Variants in APPL2 observed in about 807,000 individuals in gnomAD.
The protein encoded by APPL2 is adaptor protein, phosphotyrosine interacting with PH domain and leucine zipper 2.
A neutral mutation model predicts 92.7 loss-of-function variants in APPL2; 84 were observed. That is an observed-to-expected ratio of 0.91 (90% CI 0.76 to 1.09). APPL2 has a LOEUF of 1.09. Ranked by LOEUF, APPL2 falls within the 50% of genes least tolerant of loss-of-function variation. APPL2 has a pLI of 0.00. For missense variants in APPL2, 736 were observed against 824.5 expected (o/e 0.89, Z 1.31); for synonymous variants, 291 against 291.0 (o/e 1.00, Z 0.00).
At chr12:105,180,834 G>A (rs1023334910) in intron 17 of APPL2, among the ~76,000 whole-genome samples, 5 of 152,158 alleles carry the variant, frequency 3.3e-5, no homozygotes, top group Non-Finnish European at 7.4e-5. Flanking sequence ...CTTTGCTGAC[G>A]TTGCTTATCA....
chr12:105,220,577 T>C (rs1890023466), intron 2 of APPL2, among the ~76,000 whole-genome samples: 1 of 152,186 alleles, frequency 6.6e-6, no homozygotes, highest in South Asian at 2.1e-4. Context: ...TAGTCAACTC[T>C]AATATGTTAC....
At chr12:105,181,498 T>C (rs566016633) in intron 17 of APPL2, among the ~76,000 whole-genome samples, 1 of 152,322 alleles carries the variant, frequency 6.6e-6, no homozygotes, top group East Asian at 1.9e-4. Context: ...GAGGAGTCCC[T>C]CTTTTTCTAT....
Position 105,190,066 on chromosome 12 carries a change from A to C in APPL2, c.1331T>G (p.Ile444Ser), listed in dbSNP as rs1887068727. 3 of 1,614,222 alleles carry C rather than the reference A, an allele frequency of 1.9e-6. No individual in the cohort carries two copies. Among genetic ancestry groups the C allele is most frequent in the Non-Finnish European group, 2.5e-6 (3 of 1,180,040 alleles). ...GAATTGAATCGGCGTTCCAGGCGCG[A>C]TCAGCTCCTCTGCTTCAGGTAGACT... ...TASLPEAEEL[I>S]APGTPIQFDI... Residue 444 changes from isoleucine (I) to serine (S), a missense_variant, in exon 15 of 21, where the codon ATC (isoleucine) becomes AGC (serine). Physicochemically the swap from Ile to Ser is moderately radical, Grantham distance 142. Coordinates refer to ENST00000258530, the MANE Select transcript of APPL2 (RefSeq NM_018171.5).
chr12:105,191,777 C>T (rs183024577), intron 14 of APPL2, among the ~76,000 whole-genome samples: 1,576 of 152,260 alleles, frequency 0.01, 6 homozygotes, highest in Non-Finnish European at 0.015. Context: ...CTCTCGGTTT[C>T]GGCTGGTGCC....
chr12:105,197,818 C>T lies in APPL2; in HGVS notation c.999G>A (p.Val333=), dbSNP rs766055206. The T allele has an allele frequency of 6.2e-7, 1 of 1,614,152 alleles. No individual in the cohort carries two copies. The highest frequency in any genetic ancestry group is 8.5e-7 in the Non-Finnish European group (1 of 1,180,026). ...QDLDNCSVMA[V]DCEDRRYCFQ... The stretch of plus-strand genomic sequence containing the variant: ...AGCAGTAGCGCCGGTCTTCGCAATC[C>T]ACGGCCATCACTGAGCAGTTGTCCA... Residue 333 remains valine (V), a synonymous_variant, in exon 11 of 21, where the codon GTG becomes GTA. Transcript: ENST00000258530.
chr12:105,195,468 T>C lies in APPL2; in HGVS notation c.1129A>G (p.Ile377Val), dbSNP rs756662669. 2.5e-5 allele frequency: 41 copies of C among 1,614,174 alleles called. No homozygotes were observed. Among genetic ancestry groups the C allele is most frequent in the Admixed American group, 3.3e-5 (2 of 60,020 alleles). ...ACCTCAGGGTTGTCGGTCAGGTAGATCTGTCTGGAGATGTTGTTTATTGCA... is the reference window on the plus strand; with the variant it reads ...ACCTCAGGGTTGTCGGTCAGGTAGACCTGTCTGGAGATGTTGTTTATTGCA... Reference protein sequence around the residue: ...ICAINNISRQIYLTDNPEAVA... With the variant: ...ICAINNISRQVYLTDNPEAVA... Residue 377 changes from isoleucine (I) to valine (V), a missense_variant, in exon 13 of 21, where the codon ATC becomes GTC. Coordinates refer to ENST00000258530, the MANE Select transcript of APPL2 (RefSeq NM_018171.5).
chr12:105,190,252 AG>A, intron 14 of APPL2, 97 bp from the exon 15 acceptor site: 2 of 1,321,126 alleles, frequency 1.5e-6, no homozygotes, highest in Non-Finnish European at 1.0e-6. Flanking sequence ...TGAAAATACA[AG>A]GGGAAAGATT....
At chr12:105,203,547 C>T in intron 9 of APPL2, 156 bp downstream of exon 9, 1 of 651,910 alleles carries the variant, frequency 1.5e-6, no homozygotes, top group Non-Finnish European at 2.7e-6. Flanking sequence ...TGAATATTGG[C>T]AGCTAAGGCA....
chr12:105,229,114 T>A lies in APPL2; in HGVS notation c.153+11A>T, dbSNP rs557671105. The A allele has an allele frequency of 6.2e-7, 1 of 1,605,940 alleles. No homozygotes were observed. Among genetic ancestry groups the A allele is most frequent in the South Asian group, 1.1e-5 (1 of 90,274 alleles). ...CACTCTGCGGTATCCAGGTGAGGGG[T>A]GGCAGCATACCTGGGCTCCATAGAC... is the stretch of plus-strand genomic sequence containing the variant. On this transcript the variant is annotated intron_variant, in intron 2 of 20. Transcript: ENST00000258530.
chr12:105,225,193 C>G (rs1169825103), intron 2 of APPL2, among the ~76,000 whole-genome samples: 3 of 151,092 alleles, frequency 2.0e-5, no homozygotes, highest in African/African-American at 7.3e-5. Flanking sequence ...AAATCTCATA[C>G]AAACTGAAGG....
chr12:105,176,524 TTTTCTCTC>T, intron 19 of APPL2: 1 of 416,960 alleles, frequency 2.4e-6, no homozygotes, highest in Non-Finnish European at 4.2e-6. Context: ...TCTTCCTTGG[TTTTCTCTC>T]TGAGACTAAA....
chr12:105,231,207 T>A (rs959497001), intron 1 of APPL2, among the ~76,000 whole-genome samples: 1 of 152,218 alleles, frequency 6.6e-6, no homozygotes, highest in Non-Finnish European at 1.5e-5. Flanking sequence ...GCTAGTTTTT[T>A]CAAAAATACT....
In APPL2 at chr12:105,176,946, C is replaced by T. The variant is rs756017295; in HGVS notation, c.1742G>A (p.Arg581His). The T allele has an allele frequency of 1.1e-5, 18 of 1,613,924 alleles. No individual in the cohort carries two copies. Among genetic ancestry groups the T allele is most frequent in the Admixed American group, 1.7e-5 (1 of 59,994 alleles). Residue 581 changes from arginine (R) to histidine (H), a missense_variant, in exon 19 of 21, where the codon CGT becomes CAT. Arg to His is a conservative substitution (Grantham distance 29). Coordinates refer to ENST00000258530, the MANE Select transcript of APPL2 (RefSeq NM_018171.5). ...ENKRLVGFVI[R>H]VPESTGEESL... ...TTCTTCTCCAGTGGATTCAGGAACA[C>T]GGATGACAAAACCAACCAGTCTCTT...
Position 105,199,542 on chromosome 12 carries a change from A to T in APPL2, c.705-11T>A. The stretch of plus-strand genomic sequence containing the variant: ...AGTTCTACCTGAATGCTTAAGACAG[A>T]AGGTGTTGGGTCAGTTACTCACTGC... On this transcript the variant is annotated splice_polypyrimidine_tract_variant and intron_variant, in intron 9 of 20. Transcript: ENST00000258530. 6.2e-7 allele frequency: 1 copy of T among 1,612,458 alleles called. No homozygotes were observed. Among genetic ancestry groups the T allele is most frequent in the Non-Finnish European group, 8.5e-7 (1 of 1,179,314 alleles).
At chr12:105,185,066 A>G (rs983775609) in intron 17 of APPL2, among the ~76,000 whole-genome samples, 9 of 152,080 alleles carry the variant, frequency 5.9e-5, no homozygotes, top group African/African-American at 1.2e-4. Flanking sequence ...TAAGGGGAAA[A>G]CCACCTACTC....
At position 105,186,720 on chromosome 12, in the gene APPL2, T is replaced by TATATC. The variant is rs1566056878; in HGVS notation, c.1634+1552_1634+1553insGATAT. Among the ~76,000 whole-genome samples the TATATC allele has an allele frequency of 6.3e-5, 9 of 142,212 alleles. No individual in the cohort carries two copies. In the East Asian group the frequency reaches 1.8e-3, roughly 29 times the overall value. 93.3% of individuals were successfully genotyped at this position (142,212 alleles called of 152,430 possible). A position where few individuals can be genotyped will look rare whatever the true frequency, so the allele number is the denominator to read the frequency against. ...ATATCATATCATATATCATATCATA[T>TATATC]ATATATCATATATATCATATATATA... is the stretch of plus-strand genomic sequence containing the variant. On this transcript the variant is annotated intron_variant, in intron 17 of 20. Transcript: ENST00000258530.
chr12:105,177,227 T>G lies in APPL2; in HGVS notation c.1670A>C (p.Asn557Thr), dbSNP rs760574921. ...CATGAACCTGTATGCGGTACTTACA[T>G]TGGCCCTTGATACTTGAGTCTGTGG... ...IDPQTQVSRA[N>T]FELTSVTQFA... Residue 557 changes from asparagine to threonine, a missense_variant and splice_region_variant, in exon 18 of 21, where the codon AAT becomes ACT. Asn to Thr is a moderately conservative substitution (Grantham distance 65). Coordinates refer to ENST00000258530, the MANE Select transcript of APPL2 (RefSeq NM_018171.5). 1 of 1,613,990 alleles carries G rather than the reference T, an allele frequency of 6.2e-7. No individual in the cohort carries two copies. Among genetic ancestry groups the G allele is most frequent in the Non-Finnish European group, 8.5e-7 (1 of 1,179,850 alleles).
At chr12:105,190,196 T>C (rs747681991) in intron 14 of APPL2, 41 bp from the exon 15 acceptor site, 4 of 1,579,850 alleles carry the variant, frequency 2.5e-6, no homozygotes, top group Non-Finnish European at 2.6e-6. Context: ...CTTACGCTTT[T>C]ATAATCAAGT....
rs545516509 is a variant in APPL2 at position 105,195,924 on chromosome 12, G to A, written c.1053-297C>T. On this transcript the variant is annotated intron_variant, in intron 11 of 20. Transcript: ENST00000258530. ...ACAAAAATTAGCTGGGCGTGGTGGC[G>A]TGTGCCTGTAGTCCTAGCTACTAGA... 1.6e-3 allele frequency among the ~76,000 whole-genome samples: 236 copies of A among 152,096 alleles called. 1 individual carries two copies. Among genetic ancestry groups the A allele is most frequent in the African/African-American group, 4.8e-3 (198 of 41,498 alleles).
Sources: gnomAD v4.1 joint callset for allele counts (sites outside exome capture counted in the v4.1 genomes callset) on GRCh38, gnomAD v4.1.1 for gene constraint, MANE v1.5 for transcripts, NCBI Gene and HGNC (gene_info 2026-07-23, HGNC 2026-07-21) for gene names.